COL27A1: variants seen among roughly 807,000 people sequenced by gnomAD.
The protein encoded by COL27A1 is collagen type XXVII alpha 1 chain, also known as collagen alpha-1(XXVII) chain.
COL27A1 carries 106 observed loss-of-function variants against 251.3 expected under a neutral mutation model. That is an observed-to-expected ratio of 0.42 (90% CI 0.36 to 0.50). The LOEUF (loss-of-function observed/expected upper bound fraction) is 0.50, where lower values mean the gene tolerates loss of function less well. Among genes scored for constraint, COL27A1 ranks in the 20% least tolerant of loss-of-function variants. The pLI is 0.00. For missense variants in COL27A1, 2,325 were observed against 2,522.8 expected (o/e 0.92, Z 1.68); for synonymous variants, 1,000 against 986.3 (o/e 1.01, Z -0.26).
intron 5 of COL27A1, among the ~76,000 whole-genome samples, chr9:114,185,024 G>T (rs4246900): frequency 0.42 from 64,117 of 152,000 alleles, 14,359 homozygotes; most frequent in Admixed American, 0.55. Flanking sequence ...AGCCCCTTCT[G>T]CTGGCCCTGC....
intron 2 of COL27A1, among the ~76,000 whole-genome samples, chr9:114,163,065 C>G (rs2808796): frequency 0.24 from 36,515 of 151,794 alleles, 4,628 homozygotes; most frequent in Middle Eastern, 0.37. Context: ...GAAACCCCAT[C>G]TCTACTAAAA....
intron 39 of COL27A1, 68 bp downstream of exon 39, chr9:114,282,632 G>A: frequency 9.7e-7 from 1 of 1,035,828 alleles, no homozygotes; most frequent in Non-Finnish European, 1.4e-6. Context: ...CAGGAAAGGA[G>A]ACACCAGGCT....
At chr9:114,243,213 T>A (rs1832880996) in intron 22 of COL27A1, among the ~76,000 whole-genome samples, 1 of 152,232 alleles carries the variant, frequency 6.6e-6, no homozygotes. Flanking sequence ...CCCGATCATC[T>A]GCCAAGTTCC....
intron 12 of COL27A1, among the ~76,000 whole-genome samples, chr9:114,216,335 G>A (rs889349929): frequency 5.3e-5 from 8 of 152,266 alleles, no homozygotes; most frequent in African/African-American, 9.6e-5. Flanking sequence ...GCATGTGGAG[G>A]AAGGTCCCTG....
intron 49 of COL27A1, among the ~76,000 whole-genome samples, chr9:114,294,074 T>C (rs1313141635): frequency 8.8e-6 from 1 of 113,636 alleles, no homozygotes; most frequent in Non-Finnish European, 1.7e-5. Context: ...CCATCTCTAC[T>C]AACAATACAA....
At chr9:114,276,920 G>C (rs1372672881) in intron 37 of COL27A1, among the ~76,000 whole-genome samples, 1 of 152,222 alleles carries the variant, frequency 6.6e-6, no homozygotes, top group East Asian at 1.9e-4. Flanking sequence ...GATACCGATA[G>C]CAACCCCTGA....
chr9:114,307,103 G>C (rs1210773741), intron 58 of COL27A1: 1 of 194,006 alleles, frequency 5.2e-6, no homozygotes, highest in Non-Finnish European at 1.1e-5. Flanking sequence ...CCTCAGACTT[G>C]GTCTGTGAGC....
intron 5 of COL27A1, among the ~76,000 whole-genome samples, chr9:114,184,566 G>A (rs1425605437): frequency 6.6e-6 from 1 of 152,230 alleles, no homozygotes; most frequent in African/African-American, 2.4e-5. Context: ...GGCCTCAGGT[G>A]TCCAGTGCTT....
intron 27 of COL27A1, among the ~76,000 whole-genome samples, chr9:114,253,397 AG>A (rs1375558321): frequency 1.7e-5 from 2 of 119,690 alleles, no homozygotes; most frequent in Non-Finnish European, 3.5e-5. Context: ...AAAAAGAAAG[AG>A]GAAAAAAGAC....
chr9:114,294,194 G>A (rs1828110179), intron 49 of COL27A1, among the ~76,000 whole-genome samples: 1 of 147,040 alleles, frequency 6.8e-6, no homozygotes, highest in South Asian at 2.1e-4. Flanking sequence ...GTTGCAGTGA[G>A]CCAAGATCGT....
intron 7 of COL27A1, among the ~76,000 whole-genome samples, chr9:114,200,802 G>T (rs989299123): frequency 6.6e-6 from 1 of 152,234 alleles, no homozygotes; most frequent in Non-Finnish European, 1.5e-5. Flanking sequence ...TGATGGCCCA[G>T]TCTGGGGTGT....
intron 5 of COL27A1, among the ~76,000 whole-genome samples, chr9:114,186,591 G>A (rs1828357264): frequency 6.6e-6 from 1 of 152,168 alleles, no homozygotes; most frequent in South Asian, 2.1e-4. Flanking sequence ...GGGCAGGAAG[G>A]TTGAACCAAG....
chr9:114,230,172 G>T (rs1273565189), intron 14 of COL27A1, among the ~76,000 whole-genome samples: 1 of 152,182 alleles, frequency 6.6e-6, no homozygotes, highest in Admixed American at 6.5e-5. Context: ...CCAGTGGTCT[G>T]CTGTCCACTG....
At chr9:114,154,553 C>T (rs1848020232), upstream of COL27A1, among the ~76,000 whole-genome samples, 1 of 152,032 alleles carries the variant, frequency 6.6e-6, no homozygotes, top group African/African-American at 2.4e-5. The surrounding 1 kb of genome is among the most constrained non-coding windows in gnomAD (Gnocchi z 5.8). Context: ...GTGTGTCCAC[C>T]CGGGGTGTGT....
At chr9:114,200,288 T>C (rs1829474531) in intron 7 of COL27A1, among the ~76,000 whole-genome samples, 2 of 152,206 alleles carry the variant, frequency 1.3e-5, no homozygotes, top group South Asian at 4.1e-4. Context: ...GTCCAAGTCC[T>C]GCTCCTCCCC....
intron 9 of COL27A1, among the ~76,000 whole-genome samples, 157 bp downstream of exon 9, chr9:114,205,969 A>G (rs117764557): frequency 0.012 from 1,843 of 152,240 alleles, 14 homozygotes; most frequent in South Asian, 0.031. Context: ...GGACCAAGGA[A>G]GCCTGTCTTT....
At chr9:114,185,901 G>T (rs1215953349) in intron 5 of COL27A1, among the ~76,000 whole-genome samples, 1 of 152,232 alleles carries the variant, frequency 6.6e-6, no homozygotes, top group South Asian at 2.1e-4. Flanking sequence ...CGATCCCTCT[G>T]CTAGACTCAA....
At chr9:114,157,296 C>G (rs1848190187) in intron 1 of COL27A1, among the ~76,000 whole-genome samples, 1 of 152,232 alleles carries the variant, frequency 6.6e-6, no homozygotes, top group Admixed American at 6.5e-5. Context: ...GCCTCCCTGC[C>G]TCCCTTGACA....
chr9:114,261,681 G>A (rs1259379784), intron 28 of COL27A1, among the ~76,000 whole-genome samples: 1 of 152,182 alleles, frequency 6.6e-6, no homozygotes, highest in Non-Finnish European at 1.5e-5. Flanking sequence ...TTCCTGGCAG[G>A]ATCCTCTGGG....
Sources: gnomAD v4.1 joint callset for allele counts (sites outside exome capture counted in the v4.1 genomes callset) on GRCh38, gnomAD v4.1.1 for gene constraint, Gnocchi (gnomAD v3.1) non-coding constraint, MANE v1.5 for transcripts, NCBI Gene and HGNC (gene_info 2026-07-23, HGNC 2026-07-21) for gene names.